PTPRN2: variants seen among roughly 807,000 people sequenced by gnomAD.
The protein encoded by PTPRN2 is protein tyrosine phosphatase receptor type N2, also known as receptor-type tyrosine-protein phosphatase N2.
A neutral mutation model predicts 118.8 loss-of-function variants in PTPRN2; 74 were observed. The observed-to-expected ratio is 0.62, with a 90% CI of 0.52 to 0.76. PTPRN2 has a LOEUF of 0.76. PTPRN2 is among the 30% of genes least tolerant of loss of function. The probability of loss-of-function intolerance (pLI) is 0.00; values close to 1 mark genes in which losing one functional copy is unlikely to be tolerated. For synonymous variants in PTPRN2, 641 were observed against 608.0 expected, an observed-to-expected ratio of 1.05 and a Z score of -0.80; for missense variants, 1,481 against 1,394.4, an observed-to-expected ratio of 1.06 and a Z score of -0.99.
At chr7:158,120,712 G>A (rs560296431) in intron 9 of PTPRN2, among the ~76,000 whole-genome samples, 154 of 152,316 alleles carry the variant, frequency 1.0e-3, no homozygotes, top group African/African-American at 3.6e-3. Flanking sequence ...CATTTTGGAT[G>A]TCTGCTCTAA....
intron 10 of PTPRN2, among the ~76,000 whole-genome samples, chr7:158,091,096 T>C (rs1054685591): frequency 6.6e-6 from 1 of 152,232 alleles, no homozygotes; most frequent in Non-Finnish European, 1.5e-5. Flanking sequence ...GGGGTTGTTA[T>C]TTCTGTATAG....
intron 12 of PTPRN2, among the ~76,000 whole-genome samples, chr7:157,692,707 C>A (rs1361959685): frequency 6.6e-6 from 1 of 151,948 alleles, no homozygotes; most frequent in South Asian, 2.1e-4. Context: ...TCGGCGGGGG[C>A]GCGAGAGGCG....
chr7:158,256,390 A>C (rs573104275), intron 3 of PTPRN2, among the ~76,000 whole-genome samples: 1 of 152,282 alleles, frequency 6.6e-6, no homozygotes, highest in African/African-American at 2.4e-5. Flanking sequence ...TGTCACGTGC[A>C]CCCTTGGAGC....
chr7:157,856,025 A>C (rs539889904), intron 12 of PTPRN2: 1 of 152,332 alleles, frequency 6.6e-6, no homozygotes, highest in East Asian at 1.9e-4. Flanking sequence ...CGGGTGGAGG[A>C]AGTCAGCTGT....
chr7:157,990,628 C>T lies in PTPRN2; in HGVS notation c.1723+90670G>A, dbSNP rs185917309. Among the ~76,000 whole-genome samples, 4 of 152,260 alleles carry T rather than the reference C, an allele frequency of 2.6e-5. No homozygotes were observed. Among genetic ancestry groups the T allele is most frequent in the East Asian group, 3.9e-4 (2 of 5,178 alleles). On this transcript the variant is annotated intron_variant, in intron 11 of 22. Transcript: ENST00000389418. The surrounding 1 kb of genome is among the most constrained non-coding windows in gnomAD (Gnocchi z 4.3). ...GCAGGCTGGGGGTCAGGGCTCAGGGCGGTGCTGACAGTAGGACATGCTGGT... is the reference window on the plus strand; with the variant it reads ...GCAGGCTGGGGGTCAGGGCTCAGGGTGGTGCTGACAGTAGGACATGCTGGT...
chr7:158,262,337 A>G (rs919189926), intron 3 of PTPRN2, among the ~76,000 whole-genome samples: 1 of 149,464 alleles, frequency 6.7e-6, no homozygotes, highest in Non-Finnish European at 1.5e-5. Flanking sequence ...CACACACTGC[A>G]CACATATTCA....
intron 12 of PTPRN2, among the ~76,000 whole-genome samples, chr7:157,693,305 G>A (rs1797608320): frequency 6.6e-6 from 1 of 152,108 alleles, no homozygotes; most frequent in South Asian, 2.1e-4. Context: ...CTCCCCGCGG[G>A]GGCTGGGAGG....
At chr7:158,295,017 G>A (rs112780290) in intron 3 of PTPRN2, among the ~76,000 whole-genome samples, 5 of 115,898 alleles carry the variant, frequency 4.3e-5, no homozygotes, top group East Asian at 5.2e-4. Context: ...CCTTCCACGC[G>A]CATGGTTCAC....
chr7:157,989,689 C>CGG (rs1804098404), intron 11 of PTPRN2, among the ~76,000 whole-genome samples: 2 of 151,200 alleles, frequency 1.3e-5, no homozygotes, highest in South Asian at 4.2e-4. Context: ...GCAGCGGGGG[C>CGG]GGGTGCCACC....
intron 2 of PTPRN2, among the ~76,000 whole-genome samples, chr7:158,414,717 G>T (rs1351960012): frequency 1.3e-5 from 2 of 152,220 alleles, no homozygotes; most frequent in Non-Finnish European, 2.9e-5. Flanking sequence ...CCACATCAAT[G>T]TGGCTCATTC....
At chr7:158,341,174 A>G (rs1416003758) in intron 2 of PTPRN2, among the ~76,000 whole-genome samples, 1 of 138,478 alleles carries the variant, frequency 7.2e-6, no homozygotes, top group Non-Finnish European at 1.6e-5. Flanking sequence ...GACGTCACTC[A>G]CACCCACACT....
chr7:157,679,967 C>T (rs1405401934), intron 13 of PTPRN2, among the ~76,000 whole-genome samples: 2 of 152,202 alleles, frequency 1.3e-5, no homozygotes. Flanking sequence ...CCGTCTCCTC[C>T]ACTCCATCAG....
chr7:157,771,555 C>A (rs1802804622), intron 12 of PTPRN2, among the ~76,000 whole-genome samples: 1 of 152,174 alleles, frequency 6.6e-6, no homozygotes. Context: ...GAGACACAGC[C>A]CCTGCCCTCA....
intron 12 of PTPRN2, among the ~76,000 whole-genome samples, chr7:157,896,355 C>CG (rs1797115149): frequency 6.6e-6 from 1 of 152,200 alleles, no homozygotes; most frequent in Admixed American, 6.5e-5. Flanking sequence ...GAAGCCACAG[C>CG]GACCAGGCCC....
chr7:158,541,698 G>A (rs1825993557), intron 1 of PTPRN2: 1 of 1,263,918 alleles, frequency 7.9e-7, no homozygotes, highest in Non-Finnish European at 1.0e-6. Context: ...TTAGCTAAGT[G>A]AACTAAAGAA....
chr7:157,775,739 G>C (rs1268462786), intron 12 of PTPRN2, among the ~76,000 whole-genome samples: 1 of 152,136 alleles, frequency 6.6e-6, no homozygotes, highest in African/African-American at 2.4e-5. Context: ...GGGGCATCCA[G>C]GGTTTCCTGC....
At position 158,070,395 on chromosome 7, in the gene PTPRN2, T is replaced by C. The variant is rs1468873539; in HGVS notation, c.1723+10903A>G. Among the ~76,000 whole-genome samples the C allele has an allele frequency of 3.7e-3, 409 of 111,838 alleles. 2 individuals carry two copies. Among genetic ancestry groups the C allele is most frequent in the African/African-American group, 0.012 (357 of 28,826 alleles). 73.4% of individuals were successfully genotyped at this position (111,838 alleles called of 152,430 possible). ...GAGGTGCCCGTGGTGGTGGAGGTGC[T>C]CGTGGTGGTGGACGTGCTCGTGGTG... On this transcript the variant is annotated intron_variant, in intron 11 of 22. Transcript: ENST00000389418.
In PTPRN2 at chr7:157,763,996, T is replaced by C. The variant is rs1167436189; in HGVS notation, c.1789-81059A>G. On this transcript the variant is annotated intron_variant, in intron 12 of 22. Coordinates refer to ENST00000389418, the MANE Select transcript of PTPRN2 (RefSeq NM_002847.5). This position sits in a 1 kb window ranked among gnomAD's most constrained non-coding sequence, Gnocchi z 4.9. ...GATGTCCGTGAACACAGGGAAGCTT[T>C]AGTCGCAGCCACATGAGTGGAGCAT... is the stretch of plus-strand genomic sequence containing the variant. 2.0e-5 allele frequency among the ~76,000 whole-genome samples: 3 copies of C among 152,200 alleles called. No homozygotes were observed. The highest frequency in any genetic ancestry group is 7.2e-5 in the African/African-American group (3 of 41,446).
intron 12 of PTPRN2, among the ~76,000 whole-genome samples, chr7:157,841,606 C>T (rs1197115185): frequency 1.3e-5 from 2 of 152,202 alleles, no homozygotes; most frequent in African/African-American, 4.8e-5. Flanking sequence ...GGGTGCCTGC[C>T]TGGAAGGGCC....
Sources: gnomAD v4.1 joint callset for allele counts (sites outside exome capture counted in the v4.1 genomes callset) on GRCh38, gnomAD v4.1.1 for gene constraint, Gnocchi (gnomAD v3.1) non-coding constraint, MANE v1.5 for transcripts, NCBI Gene and HGNC (gene_info 2026-07-23, HGNC 2026-07-21) for gene names.